Variants in HIVEP2 observed in about 807,000 individuals in gnomAD.
The protein encoded by HIVEP2 is transcription factor HIVEP2.
HIVEP2 carries 14 observed loss-of-function variants against 180.7 expected under a neutral mutation model. The observed-to-expected ratio is 0.08, with a 90% CI of 0.05 to 0.12. The LOEUF is 0.12. HIVEP2 is among the 10% of genes least tolerant of loss of function. The probability of loss-of-function intolerance (pLI) is 1.00; values close to 1 mark genes in which losing one functional copy is unlikely to be tolerated. For missense variants in HIVEP2, 2,579 were observed against 3,008.5 expected (o/e 0.86, Z 3.34); for synonymous variants, 1,184 against 1,136.4 (o/e 1.04, Z -0.84).
At chr6:142,825,844 C>T (rs1475115389) in intron 2 of HIVEP2, among the ~76,000 whole-genome samples, 3 of 151,722 alleles carry the variant, frequency 2.0e-5, no homozygotes, top group African/African-American at 7.3e-5. Flanking sequence ...ATTTAAGGTG[C>T]CAACCTTAAA....
chr6:142,772,407 G>GC lies in HIVEP2; in HGVS notation c.2331_2332insG (p.Pro778AlafsTer5). The GC allele has an allele frequency of 6.2e-7, 1 of 1,614,218 alleles. No individual in the cohort carries two copies. Among genetic ancestry groups the GC allele is most frequent in the Non-Finnish European group, 8.5e-7 (1 of 1,180,036 alleles). ...ATCTTGTCTGAATCAATGGCTGAAGGTGACTCCTCTGACACAAGAGATGGA... is the reference window on the plus strand; with the variant it reads ...ATCTTGTCTGAATCAATGGCTGAAGGCTGACTCCTCTGACACAAGAGATGGA... On this transcript the variant is annotated frameshift_variant, in exon 5 of 10. Transcript: ENST00000367603. LOFTEE classifies it high-confidence loss of function. This position sits in a 1 kb window ranked among gnomAD's most constrained non-coding sequence, Gnocchi z 4.9.
Position 142,773,399 on chromosome 6 carries a change from C to T in HIVEP2, c.1340G>A (p.Arg447His), listed in dbSNP as rs777959165. ...ALSVTTTSQE[R>H]AAMGRKGIME... ...TATGCCCTTCCTACCCATTGCGGCA[C>T]GCTCCTGACTTGTGGTTGTAACACT... The change falls in exon 5 of 10, where the codon CGT becomes CAT. Residue 447 changes from arginine to histidine, a missense_variant. Physicochemically the swap from Arg to His is conservative, Grantham distance 29. Transcript: ENST00000367603. 3.5e-5 allele frequency: 57 copies of T among 1,614,036 alleles called. No individual in the cohort carries two copies. Among genetic ancestry groups the T allele is most frequent in the Admixed American group, 1.5e-4 (9 of 60,006 alleles).
rs1775625690 is a variant in HIVEP2 at position 142,773,955 on chromosome 6, C to G, written c.784G>C (p.Ala262Pro). The change falls in exon 5 of 10, where the codon GCT (alanine) becomes CCT (proline). Residue 262 changes from alanine (A) to proline (P), a missense_variant. By Grantham distance (27) the Ala-to-Pro change is conservative. This residue lies in a region of HIVEP2 where 142 missense variants were observed against 135.2 expected (regional missense o/e 1.05). Transcript: ENST00000367603. ...TCTGCTTCTACATCAATAAAACCAG[C>G]CTCTAGGTCCAATTTAGATACAGCT... ...ESAVSKLDLEAGFIDVEAEIH... is the reference protein window; with the variant it reads ...ESAVSKLDLEPGFIDVEAEIH... 1 of 1,614,144 alleles carries G rather than the reference C, an allele frequency of 6.2e-7. No individual in the cohort carries two copies. Among genetic ancestry groups the G allele is most frequent in the South Asian group, 1.1e-5 (1 of 91,088 alleles).
Position 142,776,844 on chromosome 6 carries a change from G to GT in HIVEP2, c.-432-654dup, listed in dbSNP as rs200557648. Among the ~76,000 whole-genome samples the GT allele has an allele frequency of 4.9e-3, 748 of 151,198 alleles. 8 individuals are homozygous for GT. The highest frequency in any genetic ancestry group is 0.016 in the African/African-American group (650 of 41,228). ...CACCTCGCCTGGATGAAAATAGTGG[G>GT]TTTTTTTTTCTGATAGGTTTGAATG... is the stretch of plus-strand genomic sequence containing the variant. On this transcript the variant is annotated intron_variant, in intron 3 of 9. Coordinates refer to ENST00000367603, the MANE Select transcript of HIVEP2 (RefSeq NM_006734.4).
chr6:142,792,185 A>C (rs1776154601), intron 2 of HIVEP2, among the ~76,000 whole-genome samples: 1 of 152,174 alleles, frequency 6.6e-6, no homozygotes, highest in South Asian at 2.1e-4. Context: ...TGCCACAGTC[A>C]CAGAGACACT....
chr6:142,770,467 A>C lies in HIVEP2; in HGVS notation c.4272T>G (p.Cys1424Trp). The change falls in exon 5 of 10, where the codon TGT becomes TGG. Residue 1424 changes from cysteine (C) to tryptophan (W), a missense_variant. Coordinates refer to ENST00000367603, the MANE Select transcript of HIVEP2 (RefSeq NM_006734.4). This position sits in a 1 kb window ranked among gnomAD's most constrained non-coding sequence, Gnocchi z 4.7. ...CCACGCTGTCAGAGGTGGAAGGTAA[A>C]CACAAGGGGATGGAGGATTCTAAGC... ...PLGLESSIPL[C>W]LPSTSDSVAT... 6.2e-7 allele frequency: 1 copy of C among 1,614,156 alleles called. No individual in the cohort carries two copies. Among genetic ancestry groups the C allele is most frequent in the Non-Finnish European group, 8.5e-7 (1 of 1,180,030 alleles).
At chr6:142,906,529 C>A (rs1162183619) in intron 1 of HIVEP2, among the ~76,000 whole-genome samples, 1 of 151,488 alleles carries the variant, frequency 6.6e-6, no homozygotes, top group East Asian at 1.9e-4. Flanking sequence ...TACTTTGGCA[C>A]AATCATGATA....
In HIVEP2 at chr6:142,772,433, C is replaced by A. The variant is rs764955376; in HGVS notation, c.2306G>T (p.Ser769Ile). 3.4e-5 allele frequency: 55 copies of A among 1,614,102 alleles called. No homozygotes were observed. The highest frequency in any genetic ancestry group is 4.7e-5 in the Non-Finnish European group (55 of 1,180,058). Residue 769 changes from serine (S) to isoleucine (I), a missense_variant, in exon 5 of 10, where the codon AGT becomes ATT. Physicochemically the swap from Ser to Ile is moderately radical, Grantham distance 142. Transcript: ENST00000367603. The surrounding 1 kb of genome is among the most constrained non-coding windows in gnomAD (Gnocchi z 4.9). ...DPCRPQLQPGSPSLVSEESPS... is the reference protein window; with the variant it reads ...DPCRPQLQPGIPSLVSEESPS... ...TGACTCCTCTGACACAAGAGATGGA[C>A]TTCCAGGCTGCAGTTGGGGCCGACA...
chr6:142,926,621 C>A (rs1043059362), intron 1 of HIVEP2, among the ~76,000 whole-genome samples: 1 of 152,236 alleles, frequency 6.6e-6, no homozygotes, highest in African/African-American at 2.4e-5. Context: ...GTGCTCCGGG[C>A]CCACCTGACT....
intron 2 of HIVEP2, among the ~76,000 whole-genome samples, chr6:142,820,840 G>A (rs568704891): frequency 7.2e-5 from 11 of 152,218 alleles, no homozygotes; most frequent in Admixed American, 6.5e-4. Context: ...ACAGAATCTG[G>A]CCATCTGGGG....
At chr6:142,777,093 T>C (rs1775721401) in intron 3 of HIVEP2, among the ~76,000 whole-genome samples, 1 of 152,134 alleles carries the variant, frequency 6.6e-6, no homozygotes, top group Admixed American at 6.5e-5. Flanking sequence ...ACCTCAGATG[T>C]TTCCTTGATA....
intron 1 of HIVEP2, among the ~76,000 whole-genome samples, chr6:142,925,162 T>C (rs375221804): frequency 6.6e-6 from 1 of 152,208 alleles, no homozygotes; most frequent in Non-Finnish European, 1.5e-5. Context: ...AAACGTTCCA[T>C]ACAATTTTAT....
intron 1 of HIVEP2, among the ~76,000 whole-genome samples, chr6:142,855,096 C>T (rs1025610968): frequency 2.0e-5 from 3 of 152,226 alleles, no homozygotes; most frequent in Admixed American, 1.3e-4. Context: ...AGGGAATTGG[C>T]TCCAAAGAAA....
At position 142,870,051 on chromosome 6, in the gene HIVEP2, G is replaced by A. The variant is rs535576193; in HGVS notation, c.-640-33004C>T. Among the ~76,000 whole-genome samples the A allele has an allele frequency of 3.7e-4, 56 of 152,108 alleles. 1 individual carries two copies. Among genetic ancestry groups the A allele is most frequent in the Admixed American group, 1.9e-3 (29 of 15,286 alleles). ...GGACTCTTAAAACCATCTGGCAGCC[G>A]TGACCACTGAAGGGCTGCGCATTCA... On this transcript the variant is annotated intron_variant, in intron 1 of 9. Coordinates refer to ENST00000367603, the MANE Select transcript of HIVEP2 (RefSeq NM_006734.4).
intron 1 of HIVEP2, among the ~76,000 whole-genome samples, chr6:142,907,501 G>A (rs1777295664): frequency 6.6e-6 from 1 of 152,124 alleles, no homozygotes; most frequent in Non-Finnish European, 1.5e-5. Context: ...AGCACACAAA[G>A]CCATTGCTTA....
chr6:142,767,714 A>AT, intron 6 of HIVEP2, among the ~76,000 whole-genome samples: 1 of 152,328 alleles, frequency 6.6e-6, no homozygotes, highest in South Asian at 2.1e-4. Flanking sequence ...CATATGTGTA[A>AT]TTTTTCTTAA....
chr6:142,787,566 CAA>C (rs5880546), intron 2 of HIVEP2, among the ~76,000 whole-genome samples: 1,526 of 118,194 alleles, frequency 0.013, 24 homozygotes, highest in East Asian at 0.071. Context: ...TTCCTCTCTA[CAA>C]AAAAAAAAAA....
intron 1 of HIVEP2, among the ~76,000 whole-genome samples, chr6:142,853,115 T>A (rs1279478655): frequency 6.6e-6 from 1 of 152,246 alleles, no homozygotes; most frequent in Non-Finnish European, 1.5e-5. Context: ...GTATTTTTCT[T>A]TTCCTCTCTT....
chr6:142,891,632 C>T (rs1018120644), intron 1 of HIVEP2, among the ~76,000 whole-genome samples: 4 of 152,118 alleles, frequency 2.6e-5, no homozygotes, highest in Admixed American at 2.0e-4. Context: ...CTACTATCAC[C>T]CAGTTGAGTA....
Sources: allele counts gnomAD v4.1 joint callset (sites outside exome capture counted in the v4.1 genomes callset), GRCh38; gene constraint gnomAD v4.1.1; regional missense constraint gnomAD v4.1.1; non-coding constraint Gnocchi (gnomAD v3.1); transcripts MANE v1.5; gene names NCBI Gene and HGNC (gene_info 2026-07-23, HGNC 2026-07-21).